The following ETFDH variants were observed in gnomAD, a reference collection of about 807,000 sequenced individuals.
ETFDH encodes the protein electron transfer flavoprotein-ubiquinone oxidoreductase, mitochondrial.
A neutral mutation model predicts 73.2 loss-of-function variants in ETFDH; 61 were observed. That is an observed-to-expected ratio of 0.83 (90% CI 0.68 to 1.03). The LOEUF is 1.03. Among genes scored for constraint, ETFDH ranks in the 50% least tolerant of loss-of-function variants. ETFDH has a pLI of 0.00. For missense variants in ETFDH, 685 were observed against 745.0 expected, an observed-to-expected ratio of 0.92 and a Z score of 0.94; for synonymous variants, 243 against 253.3, an observed-to-expected ratio of 0.96 and a Z score of 0.39.
Position 158,695,610 on chromosome 4 carries a change from T to C in ETFDH, c.798T>C (p.Cys266=). The C allele has an allele frequency of 2.5e-6, 4 of 1,612,286 alleles. No homozygotes were observed. Among genetic ancestry groups the C allele is most frequent in the Non-Finnish European group, 3.4e-6 (4 of 1,178,364 alleles). ...AGAAGTTTGATTTGAGAGCAAATTG[T>C]GAACCTCAAACCTACGGGATTGGAC... is the stretch of plus-strand genomic sequence containing the variant. The part of the protein sequence containing the change: ...LYKKFDLRAN[C]EPQTYGIGLK... The change falls in exon 7 of 13, where the codon TGT becomes TGC. Residue 266 remains cysteine (C), a synonymous_variant. Transcript: ENST00000511912.
intron 1 of ETFDH, among the ~76,000 whole-genome samples, chr4:158,677,097 GT>G (rs1432001603): frequency 1.3e-5 from 2 of 152,162 alleles, no homozygotes; most frequent in East Asian, 3.8e-4. Context: ...CGTTGCTTGT[GT>G]TTTTGGTTGT....
intron 4 of ETFDH, 70 bp from the exon 5 acceptor site, chr4:158,685,031 A>T (rs999704633): frequency 2.2e-6 from 2 of 897,362 alleles, no homozygotes; most frequent in Non-Finnish European, 1.8e-6. Context: ...TCGAAATTTT[A>T]AAGTATTTAT....
chr4:158,696,874 G>A (rs1774320741), intron 7 of ETFDH, among the ~76,000 whole-genome samples: 1 of 152,140 alleles, frequency 6.6e-6, no homozygotes, highest in Non-Finnish European at 1.5e-5. Flanking sequence ...CCCAGATGAA[G>A]ATAGAGAACA....
intron 6 of ETFDH, 106 bp from the exon 7 acceptor site, chr4:158,695,391 C>T: frequency 1.3e-6 from 1 of 761,088 alleles, no homozygotes. Flanking sequence ...TATACATTTG[C>T]ACTGTCTCTT....
At chr4:158,707,757 G>A (rs1359249919) in intron 12 of ETFDH, among the ~76,000 whole-genome samples, 1 of 152,178 alleles carries the variant, frequency 6.6e-6, no homozygotes, top group East Asian at 1.9e-4. Flanking sequence ...GCCATAAAGT[G>A]CTTCCTTTAA....
intron 1 of ETFDH, among the ~76,000 whole-genome samples, chr4:158,678,612 A>G (rs563627649): frequency 5.3e-5 from 8 of 151,926 alleles, no homozygotes; most frequent in African/African-American, 1.9e-4. Context: ...ACATCACTCA[A>G]AGGGAGGAGA....
At chr4:158,704,228 A>G (rs1774546548) in intron 10 of ETFDH, among the ~76,000 whole-genome samples, 1 of 152,270 alleles carries the variant, frequency 6.6e-6, no homozygotes, top group Non-Finnish European at 1.5e-5. Context: ...ATACCTAAGT[A>G]TCAATAGAAC....
At chr4:158,691,877 A>G (rs1362008802) in intron 6 of ETFDH, among the ~76,000 whole-genome samples, 2 of 152,204 alleles carry the variant, frequency 1.3e-5, no homozygotes, top group Non-Finnish European at 2.9e-5. Flanking sequence ...TAACCTGCCT[A>G]TTCAGGTTTA....
chr4:158,705,129 A>G (rs527607818), intron 10 of ETFDH, among the ~76,000 whole-genome samples: 18 of 152,328 alleles, frequency 1.2e-4, no homozygotes, highest in African/African-American at 4.3e-4. Flanking sequence ...GAGTCCACCA[A>G]AAGCCGTAAG....
At chr4:158,699,916 T>C (rs927216954) in intron 9 of ETFDH, among the ~76,000 whole-genome samples, 5 of 152,196 alleles carry the variant, frequency 3.3e-5, no homozygotes, top group Non-Finnish European at 5.9e-5. Flanking sequence ...AATACTGTTG[T>C]AGAAATGTTA....
At chr4:158,707,840 T>C (rs140563850) in intron 12 of ETFDH, among the ~76,000 whole-genome samples, 1 of 152,230 alleles carries the variant, frequency 6.6e-6, no homozygotes, top group African/African-American at 2.4e-5. Context: ...GGTAAGACTG[T>C]ATCTTCTGTG....
In ETFDH at chr4:158,685,153, G is replaced by T. The variant is rs1580400148; in HGVS notation, c.540G>T (p.Val180=). 1 of 1,613,182 alleles carries T rather than the reference G, an allele frequency of 6.2e-7. No individual in the cohort carries two copies. Among genetic ancestry groups the T allele is most frequent in the Non-Finnish European group, 8.5e-7 (1 of 1,179,296 alleles). The change falls in exon 5 of 13, where the codon GTG becomes GTT. Residue 180 remains valine (V), a synonymous_variant. Coordinates refer to ENST00000511912, the MANE Select transcript of ETFDH (RefSeq NM_004453.4). The part of the protein sequence containing the change: ...GNYIVRLGHL[V]SWMGEQAEAL... Reference sequence around the variant, plus strand: ...ACATTGTACGCTTGGGACATTTAGTGAGCTGGATGGGCGAACAAGCAGAAG... The same window carrying T: ...ACATTGTACGCTTGGGACATTTAGTTAGCTGGATGGGCGAACAAGCAGAAG...
chr4:158,706,193 C>G lies in ETFDH; in HGVS notation c.1290C>G (p.Leu430=), dbSNP rs770765347. The change falls in exon 11 of 13, where the codon CTC becomes CTG. Residue 430 remains leucine (L), a synonymous_variant. Coordinates refer to ENST00000511912, the MANE Select transcript of ETFDH (RefSeq NM_004453.4). The part of the protein sequence containing the change: ...SENLQSKTIG[L]HVTEYEDNLK... ...ATTTCATGTTTTTAATAAAAGGACT[C>G]CATGTAACTGAATATGAGGACAATT... 3 of 1,603,756 alleles carry G rather than the reference C, an allele frequency of 1.9e-6. No individual in the cohort carries two copies. Among genetic ancestry groups the G allele is most frequent in the Middle Eastern group, 1.7e-4 (1 of 6,044 alleles).
In ETFDH at chr4:158,699,097, C is replaced by T. The variant is rs765063539; in HGVS notation, c.1083C>T (p.Tyr361=). Residue 361 remains tyrosine, a synonymous_variant, in exon 9 of 13, where the codon TAC becomes TAT. Transcript: ENST00000511912. ...PTLEGGKRIA[Y]GARALNEGGF... is the part of the protein sequence containing the mutation. ...TGGAAGGTGGAAAAAGGATTGCATA[C>T]GGAGCCAGAGCTCTCAATGAAGGTG... 6.4e-5 allele frequency: 104 copies of T among 1,613,866 alleles called. 3 individuals carry two copies. In the South Asian group the frequency reaches 9.2e-4, roughly 14 times the overall value.
chr4:158,686,835 C>G (rs557044271), intron 5 of ETFDH, among the ~76,000 whole-genome samples: 1 of 152,174 alleles, frequency 6.6e-6, no homozygotes, highest in South Asian at 2.1e-4. Flanking sequence ...GGTAAGACTT[C>G]CCCCTCACCC....
At chr4:158,694,137 G>A (rs931867375) in intron 6 of ETFDH, among the ~76,000 whole-genome samples, 1 of 152,052 alleles carries the variant, frequency 6.6e-6, no homozygotes, top group Non-Finnish European at 1.5e-5. Flanking sequence ...ATGTCTGTCT[G>A]TCTATGGCTA....
At position 158,708,601 on chromosome 4, in the gene ETFDH, T is replaced by A; in HGVS notation, c.*74T>A. ...GTTTAGAGATTAACAGATTTCAGAA[T>A]GTCTTTCTGCATATTACTGAACAGA... On this transcript the variant is annotated 3_prime_UTR_variant, in exon 13 of 13. Coordinates refer to ENST00000511912, the MANE Select transcript of ETFDH (RefSeq NM_004453.4). The A allele has an allele frequency of 8.1e-7, 1 of 1,242,010 alleles. No homozygotes were observed. The highest frequency in any genetic ancestry group is 1.2e-6 in the Non-Finnish European group (1 of 844,308). The allele number at this position is 1,242,010 out of a possible 1,614,324, so 76.9% of individuals were successfully genotyped here.
At chr4:158,696,927 T>C (rs909245012) in intron 7 of ETFDH, among the ~76,000 whole-genome samples, 2 of 152,138 alleles carry the variant, frequency 1.3e-5, no homozygotes, top group African/African-American at 4.8e-5. Context: ...TCAGTAGGAT[T>C]TCCTAATTTC....
rs917285990 is a variant in ETFDH at position 158,706,851 on chromosome 4, G to T, written c.1690+1G>T. The T allele has an allele frequency of 5.7e-6, 9 of 1,573,374 alleles. No homozygotes were observed. Among genetic ancestry groups the T allele is most frequent in the Non-Finnish European group, 7.0e-6 (8 of 1,143,248 alleles). ...CCCGAGCAGCGATTCTGTCCTGCAG[G>T]TAATAATTTCCATCTATTCCTAAAT... On this transcript the variant is annotated splice_donor_variant, in intron 12 of 12. Coordinates refer to ENST00000511912, the MANE Select transcript of ETFDH (RefSeq NM_004453.4). LOFTEE classifies it high-confidence loss of function.
Sources: allele counts gnomAD v4.1 joint callset (sites outside exome capture counted in the v4.1 genomes callset), GRCh38; gene constraint gnomAD v4.1.1; transcripts MANE v1.5; gene names NCBI Gene and HGNC (gene_info 2026-07-23, HGNC 2026-07-21).